DPP6: variants seen among roughly 807,000 people sequenced by gnomAD.
DPP6 encodes the protein dipeptidyl peptidase like 6.
A neutral mutation model predicts 122.6 loss-of-function variants in DPP6; 69 were observed. That is an observed-to-expected ratio of 0.56 (90% CI 0.46 to 0.69). The LOEUF is 0.69. Among genes scored for constraint, DPP6 ranks in the 30% least tolerant of loss-of-function variants. The pLI is 0.00. For synonymous variants in DPP6, 418 were observed against 433.1 expected (o/e 0.97, Z 0.43); for missense variants, 928 against 1,116.9 (o/e 0.83, Z 2.41).
At chr7:154,041,043 A>G (rs1799735672) in intron 1 of DPP6, among the ~76,000 whole-genome samples, 1 of 152,186 alleles carries the variant, frequency 6.6e-6, no homozygotes, top group Non-Finnish European at 1.5e-5. Flanking sequence ...ATTTTAAAAT[A>G]AATTTGCTAA....
chr7:153,756,180 G>A, the DPP6 span, among the ~76,000 whole-genome samples: 11 of 151,856 alleles, frequency 7.2e-5, no homozygotes, highest in East Asian at 1.9e-3. Flanking sequence ...TCCTGAGCCT[G>A]TAGTTCTTTC....
chr7:154,317,043 A>C (rs1159393277), intron 1 of DPP6, among the ~76,000 whole-genome samples: 1 of 152,206 alleles, frequency 6.6e-6, no homozygotes, highest in Non-Finnish European at 1.5e-5. Flanking sequence ...CAGAAGCATG[A>C]TTATATGAGT....
intron 5 of DPP6, among the ~76,000 whole-genome samples, chr7:154,592,960 C>G (rs1341245312): frequency 6.6e-6 from 1 of 152,130 alleles, no homozygotes; most frequent in Non-Finnish European, 1.5e-5. Flanking sequence ...GAAGAAACAG[C>G]AGAAACACCT....
At chr7:154,087,399 C>T (rs776018538) in intron 1 of DPP6, among the ~76,000 whole-genome samples, 2 of 152,174 alleles carry the variant, frequency 1.3e-5, no homozygotes, top group African/African-American at 4.8e-5. Flanking sequence ...TCAAAGACTA[C>T]TCTGTCTGCT....
chr7:154,607,076 C>A (rs1053572609), intron 5 of DPP6, among the ~76,000 whole-genome samples: 1 of 120,972 alleles, frequency 8.3e-6, no homozygotes, highest in African/African-American at 2.6e-5. Flanking sequence ...CCACGCGATG[C>A]CAATCATCTC....
rs146162780 is a variant in DPP6, at chr7:154,817,681, G to C, written c.1666+10569G>C. Among the ~76,000 whole-genome samples, 468 of 152,294 alleles carry C rather than the reference G, an allele frequency of 3.1e-3. 3 individuals are homozygous for C. The highest frequency in any genetic ancestry group is 0.02 in the Middle Eastern group (6 of 294). On this transcript the variant is annotated intron_variant, in intron 16 of 25. Transcript: ENST00000377770. ...AAGTAACTGATGTCATGAATGTCCT[G>C]AGTGATTAATGACATGAGCATCATG...
intron 2 of DPP6, among the ~76,000 whole-genome samples, chr7:154,453,102 T>C (rs1204644823): frequency 6.6e-6 from 1 of 152,242 alleles, no homozygotes; most frequent in African/African-American, 2.4e-5. Flanking sequence ...GGAAACACCG[T>C]GACCTTCTCC....
chr7:154,449,527 A>G (rs753573598), intron 2 of DPP6, among the ~76,000 whole-genome samples: 7 of 152,206 alleles, frequency 4.6e-5, no homozygotes, highest in African/African-American at 7.2e-5. Flanking sequence ...ATAGTTCAGT[A>G]GTTCTCCTAA....
chr7:154,502,576 C>A (rs946143658), intron 3 of DPP6, among the ~76,000 whole-genome samples: 5 of 152,106 alleles, frequency 3.3e-5, no homozygotes, highest in Admixed American at 2.6e-4. Flanking sequence ...GTGAGACGTG[C>A]CTTTCACCTT....
chr7:153,831,923 A>C, the DPP6 span, among the ~76,000 whole-genome samples: 1 of 152,216 alleles, frequency 6.6e-6, no homozygotes, highest in Non-Finnish European at 1.5e-5. Context: ...GAATTTAAGC[A>C]GAGGAGAAGC....
intron 1 of DPP6, among the ~76,000 whole-genome samples, chr7:154,377,073 G>A (rs910527492): frequency 6.6e-6 from 1 of 152,122 alleles, no homozygotes; most frequent in Non-Finnish European, 1.5e-5. Flanking sequence ...GCGTGCTTAA[G>A]AAGAGTTCTG....
At chr7:154,723,611 C>A (rs150440261) in intron 7 of DPP6, among the ~76,000 whole-genome samples, 484 of 152,300 alleles carry the variant, frequency 3.2e-3, no homozygotes, top group African/African-American at 0.011. Context: ...CCTTGAAGAA[C>A]CAGGAGGGCT....
chr7:154,696,001 C>T (rs13228257), intron 7 of DPP6, among the ~76,000 whole-genome samples: 2,285 of 152,286 alleles, frequency 0.015, 23 homozygotes, highest in Non-Finnish European at 0.024. Flanking sequence ...AGAGGCCTCT[C>T]AGAGGAGGCA....
At chr7:154,463,559 GGAA>G (rs1821520423) in intron 2 of DPP6, among the ~76,000 whole-genome samples, 1 of 152,054 alleles carries the variant, frequency 6.6e-6, no homozygotes, top group South Asian at 2.1e-4. Context: ...CCCACAGCTG[GGAA>G]TGTCCTGGGT....
intron 19 of DPP6, among the ~76,000 whole-genome samples, chr7:154,874,132 A>ACACCC (rs1804654537): frequency 1.4e-5 from 2 of 141,044 alleles, no homozygotes; most frequent in Admixed American, 7.0e-5. Flanking sequence ...CACACACCCC[A>ACACCC]CACATGTGCA....
chr7:154,272,423 A>G (rs1187473531), intron 1 of DPP6, among the ~76,000 whole-genome samples: 1 of 152,174 alleles, frequency 6.6e-6, no homozygotes, highest in African/African-American at 2.4e-5. Context: ...GAGGGGAAGC[A>G]TTTTGTGCAC....
In DPP6 at chr7:154,383,640, A is replaced by G. The variant is rs7809032; in HGVS notation, c.244-62574A>G. 9.9e-3 allele frequency among the ~76,000 whole-genome samples: 1,504 copies of G among 152,308 alleles called. 24 individuals carry two copies. The highest frequency in any genetic ancestry group is 0.033 in the African/African-American group (1,360 of 41,558). On this transcript the variant is annotated intron_variant, in intron 1 of 25. Coordinates refer to ENST00000377770, the MANE Select transcript of DPP6 (RefSeq NM_130797.4). ...CACAGTGGCTCACGCCTGTAATCCC[A>G]GCATTTTGGGAGGCTGAGGTGGGCA...
the DPP6 span, among the ~76,000 whole-genome samples, chr7:153,812,527 G>T: frequency 2.0e-5 from 3 of 152,010 alleles, no homozygotes; most frequent in African/African-American, 4.8e-5. Flanking sequence ...AGAATTTTCT[G>T]GGTGGTGATT....
chr7:153,915,857 T>A (rs1309911472), intron 1 of DPP6, among the ~76,000 whole-genome samples: 1 of 152,224 alleles, frequency 6.6e-6, no homozygotes, highest in Non-Finnish European at 1.5e-5. Flanking sequence ...TCTTAAAGGA[T>A]TAATACTTCA....
Sources: gnomAD v4.1 joint callset for allele counts (sites outside exome capture counted in the v4.1 genomes callset) on GRCh38, gnomAD v4.1.1 for gene constraint, MANE v1.5 for transcripts, NCBI Gene and HGNC (gene_info 2026-07-23, HGNC 2026-07-21) for gene names.